The following RIOK2 variants were observed in gnomAD, a reference collection of about 807,000 sequenced individuals.
The protein encoded by RIOK2 is RIO kinase 2, also known as serine/threonine-protein kinase RIO2.
In RIOK2, 46 loss-of-function variants were observed where a neutral mutation model predicts 62.4. The observed-to-expected ratio is 0.74, with a 90% CI of 0.58 to 0.94. RIOK2 has a LOEUF of 0.94. Ranked by LOEUF, RIOK2 falls within the 40% of genes least tolerant of loss-of-function variation. The pLI is 0.00. For synonymous variants in RIOK2, 197 were observed against 216.0 expected, an observed-to-expected ratio of 0.91 and a Z score of 0.77; for missense variants, 574 against 658.0, an observed-to-expected ratio of 0.87 and a Z score of 1.40.
chr5:97,170,846 A>G (rs1348770332), intron 6 of RIOK2, among the ~76,000 whole-genome samples: 1 of 152,140 alleles, frequency 6.6e-6, no homozygotes, highest in African/African-American at 2.4e-5. Flanking sequence ...ACACACCCAC[A>G]TCCAGAATCA....
At chr5:97,182,787 G>GGC in intron 1 of RIOK2, 1 of 228,626 alleles carries the variant, frequency 4.4e-6, no homozygotes, top group Non-Finnish European at 8.8e-6. Flanking sequence ...TCGGGGGGGG[G>GGC]GGGGGGCTTA....
Position 97,161,647 on chromosome 5 carries a change from T to C in RIOK2, c.*1414A>G, listed in dbSNP as rs1431761162. On this transcript the variant is annotated 3_prime_UTR_variant, in exon 10 of 10. Coordinates refer to ENST00000283109, the MANE Select transcript of RIOK2 (RefSeq NM_018343.3). ...ATCATGTTTGTCTTGAGTTTCTTAA[T>C]AGTAATGGGCTTTTTATGTAGTAGA... 3 of 152,176 alleles carry C rather than the reference T, an allele frequency of 2.0e-5. No individual in the cohort carries two copies. The highest frequency in any genetic ancestry group is 7.2e-5 in the African/African-American group (3 of 41,446). The allele number at this position is 152,176 out of a possible 1,614,324, so 9.4% of individuals were successfully genotyped here.
intron 6 of RIOK2, 64 bp downstream of exon 6, chr5:97,171,142 C>T: frequency 2.5e-6 from 3 of 1,186,916 alleles, no homozygotes; most frequent in South Asian, 2.9e-5. Flanking sequence ...GCTTGGGCAA[C>T]AAGCAAAACT....
chr5:97,171,210 C>T lies in RIOK2; in HGVS notation c.775G>A (p.Glu259Lys). 6.6e-7 allele frequency: 1 copy of T among 1,506,262 alleles called. No homozygotes were observed. Among genetic ancestry groups the T allele is most frequent in the Non-Finnish European group, 8.9e-7 (1 of 1,126,150 alleles). 93.3% of individuals were successfully genotyped at this position (1,506,262 alleles called of 1,614,324 possible). A position where few individuals can be genotyped will look rare whatever the true frequency, so the allele number is the denominator to read the frequency against. Residue 259 changes from glutamate to lysine, a missense_variant, in exon 6 of 10, where the codon GAG becomes AAG. Physicochemically the swap from Glu to Lys is moderately conservative, Grantham distance 56. Transcript: ENST00000283109. ...QMVSTSHPNA[E>K]WYFDRDVKCI... Reference sequence around the variant, plus strand: ...AAAAAAATAGCAAGTACGTACCACTCAGCATTGGGATGAGAAGTTGAAACC... The same window carrying T: ...AAAAAAATAGCAAGTACGTACCACTTAGCATTGGGATGAGAAGTTGAAACC...
chr5:97,163,221 A>C lies in RIOK2; in HGVS notation c.1499T>G (p.Leu500Arg). Residue 500 changes from leucine (L) to arginine (R), a missense_variant, in exon 10 of 10, where the codon CTG (leucine) becomes CGG (arginine). By Grantham distance (102) the Leu-to-Arg change is moderately radical. Coordinates refer to ENST00000283109, the MANE Select transcript of RIOK2 (RefSeq NM_018343.3). ...AVSCSTIPPE[L>R]VKQKVKRQLT... ...CTGACGTTTCACCTTCTGTTTCACCAGTTCCTGGAAAGATTTCATAAATTA... is the reference window on the plus strand; with the variant it reads ...CTGACGTTTCACCTTCTGTTTCACCCGTTCCTGGAAAGATTTCATAAATTA... 1 of 1,612,820 alleles carries C rather than the reference A, an allele frequency of 6.2e-7. No individual in the cohort carries two copies. Among genetic ancestry groups the C allele is most frequent in the Admixed American group, 1.7e-5 (1 of 59,908 alleles).
rs1205586102 is a variant in RIOK2 at position 97,161,582 on chromosome 5, T to TC, written c.*1478dup. The stretch of plus-strand genomic sequence containing the variant: ...TCCATTTCTGATTGGAATAATTAAT[T>TC]CCTTGGCCCACAAGAAATCTTAGGC... On this transcript the variant is annotated 3_prime_UTR_variant, in exon 10 of 10. Coordinates refer to ENST00000283109, the MANE Select transcript of RIOK2 (RefSeq NM_018343.3). The TC allele has an allele frequency of 1.3e-5, 2 of 152,176 alleles. No homozygotes were observed. Among genetic ancestry groups the TC allele is most frequent in the Non-Finnish European group, 2.9e-5 (2 of 68,012 alleles). The allele number at this position is 152,176 out of a possible 1,614,324, so 9.4% of individuals were successfully genotyped here. A position where few individuals can be genotyped will look rare whatever the true frequency, so the allele number is the denominator to read the frequency against.
At chr5:97,167,253 A>C in intron 8 of RIOK2, 1 of 1,418,272 alleles carries the variant, frequency 7.1e-7, no homozygotes, top group Non-Finnish European at 9.2e-7. Flanking sequence ...GAATTACTTG[A>C]AATTTAGTCA....
At chr5:97,175,083 T>C (rs1337257431) in intron 4 of RIOK2, among the ~76,000 whole-genome samples, 1 of 151,568 alleles carries the variant, frequency 6.6e-6, no homozygotes, top group Non-Finnish European at 1.5e-5. Context: ...AATAAATAAA[T>C]AAATAAAAGG....
intron 6 of RIOK2, among the ~76,000 whole-genome samples, chr5:97,169,350 C>T (rs180823292): frequency 2.0e-5 from 3 of 152,262 alleles, no homozygotes; most frequent in South Asian, 4.1e-4. Context: ...TCTTTGTTAT[C>T]CATTAGCCGA....
At chr5:97,163,339 G>A in intron 9 of RIOK2, 114 bp from the exon 10 acceptor site, 1 of 830,798 alleles carries the variant, frequency 1.2e-6, no homozygotes. Context: ...TCCAAACACT[G>A]ACAGTACTAT....
rs535173814 is a variant in RIOK2, at chr5:97,162,191, T to G, written c.*870A>C. ...GCAAGTGATCCCCTTTTCCGACTTA[T>G]GCGGCAATGAAGAGACAATAATCAG... On this transcript the variant is annotated 3_prime_UTR_variant, in exon 10 of 10. Transcript: ENST00000283109. The G allele has an allele frequency of 3.3e-5, 5 of 152,152 alleles. No individual in the cohort carries two copies. Among genetic ancestry groups the G allele is most frequent in the East Asian group, 1.9e-4 (1 of 5,196 alleles). 9.4% of individuals were successfully genotyped at this position (152,152 alleles called of 1,614,324 possible).
chr5:97,162,854 T>A lies in RIOK2; in HGVS notation c.*207A>T. 2.0e-6 allele frequency: 1 copy of A among 496,930 alleles called. No individual in the cohort carries two copies. The highest frequency in any genetic ancestry group is 3.5e-6 in the Non-Finnish European group (1 of 284,532). 30.8% of individuals were successfully genotyped at this position (496,930 alleles called of 1,614,324 possible). ...CTCTAATAAAGTTACGTAACTGTAGTTACCCAAATTACTTTGAAAAAAATG... is the reference window on the plus strand; with the variant it reads ...CTCTAATAAAGTTACGTAACTGTAGATACCCAAATTACTTTGAAAAAAATG... On this transcript the variant is annotated 3_prime_UTR_variant, in exon 10 of 10. Coordinates refer to ENST00000283109, the MANE Select transcript of RIOK2 (RefSeq NM_018343.3).
chr5:97,180,437 G>A (rs1749374273), intron 1 of RIOK2, among the ~76,000 whole-genome samples: 1 of 151,986 alleles, frequency 6.6e-6, no homozygotes, highest in South Asian at 2.1e-4. Context: ...ACTGACCACA[G>A]AGAATAGCTG....
At chr5:97,182,336 A>C (rs1339874675) in intron 1 of RIOK2, among the ~76,000 whole-genome samples, 2 of 152,210 alleles carry the variant, frequency 1.3e-5, no homozygotes, top group African/African-American at 4.8e-5. Context: ...CAGCCACATT[A>C]CATTGGCCTT....
In RIOK2 at chr5:97,170,744, C is replaced by T. The variant is rs114113719; in HGVS notation, c.779+462G>A. On this transcript the variant is annotated intron_variant, in intron 6 of 9. Coordinates refer to ENST00000283109, the MANE Select transcript of RIOK2 (RefSeq NM_018343.3). ...TTAATAAAAAACCAAATTTTTATAA[C>T]GTTAACACTAGCCACTTCAAACCAG... 9.2e-3 allele frequency among the ~76,000 whole-genome samples: 1,407 copies of T among 152,230 alleles called. 27 individuals carry two copies. The highest frequency in any genetic ancestry group is 0.032 in the African/African-American group (1,331 of 41,540).
intron 4 of RIOK2, 37 bp downstream of exon 4, chr5:97,177,079 G>A (rs1253191500): frequency 3.9e-6 from 6 of 1,553,470 alleles, no homozygotes; most frequent in Non-Finnish European, 5.3e-6. Flanking sequence ...TGTATTATTT[G>A]GCTAAAAAAT....
chr5:97,182,599 C>T (rs916041046), intron 1 of RIOK2, among the ~76,000 whole-genome samples: 9 of 152,076 alleles, frequency 5.9e-5, no homozygotes, highest in Non-Finnish European at 1.0e-4. Flanking sequence ...TAGCATTTAT[C>T]CATTATCCTA....
chr5:97,161,377 ACTCT>A lies in RIOK2; in HGVS notation c.*1680_*1683del, dbSNP rs1356194333. On this transcript the variant is annotated 3_prime_UTR_variant, in exon 10 of 10. Transcript: ENST00000283109. The stretch of plus-strand genomic sequence containing the variant: ...GGTTATAGCTTATCTGTTAGGACAA[ACTCT>A]CTAACTTCTAATTGATGGCTAGCCA... The A allele has an allele frequency of 3.3e-5, 5 of 152,128 alleles. No individual in the cohort carries two copies. Among genetic ancestry groups the A allele is most frequent in the Admixed American group, 2.6e-4 (4 of 15,268 alleles). The allele number at this position is 152,128 out of a possible 1,614,324, so 9.4% of individuals were successfully genotyped here.
rs762476518 is a variant in RIOK2, at chr5:97,183,241, G to T, written c.-50C>A. On this transcript the variant is annotated 5_prime_UTR_variant, in exon 1 of 10. Transcript: ENST00000283109. ...GCCTCTCCGACGACAGCCGCAAAGC[G>T]TAAGGCAGGTCGTTATTCCAGCCTC... 2 of 1,590,732 alleles carry T rather than the reference G, an allele frequency of 1.3e-6. No individual in the cohort carries two copies. The highest frequency in any genetic ancestry group is 1.1e-5 in the South Asian group (1 of 90,732).
Sources: allele counts gnomAD v4.1 joint callset (sites outside exome capture counted in the v4.1 genomes callset), GRCh38; gene constraint gnomAD v4.1.1; transcripts MANE v1.5; gene names NCBI Gene and HGNC (gene_info 2026-07-23, HGNC 2026-07-21).